NAALADL2: variants seen among roughly 807,000 people sequenced by gnomAD.
NAALADL2 encodes inactive N-acetylated-alpha-linked acidic dipeptidase-like protein 2.
NAALADL2 carries 76 observed loss-of-function variants against 87.2 expected under a neutral mutation model. The ratio of observed to expected loss-of-function variants is 0.87; its 90% CI spans 0.72 to 1.05. The LOEUF (loss-of-function observed/expected upper bound fraction) is 1.05, where lower values mean the gene tolerates loss of function less well. Among genes scored for constraint, NAALADL2 ranks in the 50% least tolerant of loss-of-function variants. NAALADL2 has a pLI of 0.00. For synonymous variants in NAALADL2, 354 were observed against 331.0 expected, an observed-to-expected ratio of 1.07 and a Z score of -0.75; for missense variants, 1,089 against 945.8, an observed-to-expected ratio of 1.15 and a Z score of -1.99.
intron 1 of NAALADL2, among the ~76,000 whole-genome samples, chr3:175,056,260 C>A (rs1712144017): frequency 6.6e-6 from 1 of 152,212 alleles, no homozygotes; most frequent in African/African-American, 2.4e-5. Flanking sequence ...TGCTCTGTAA[C>A]CTCTTCTGTT....
At position 175,432,831 on chromosome 3, in the gene NAALADL2, A is replaced by G. The variant is rs563133930; in HGVS notation, c.1091-14398A>G. 2.0e-5 allele frequency among the ~76,000 whole-genome samples: 3 copies of G among 152,216 alleles called. No individual in the cohort carries two copies. The East Asian group carries it at 5.8e-4, about 29-fold the overall frequency. ...AATGGAGCCGGACTTTGACATGCTGACCACTCAGCATTCATGGGAATGTGT... is the reference window on the plus strand; with the variant it reads ...AATGGAGCCGGACTTTGACATGCTGGCCACTCAGCATTCATGGGAATGTGT... On this transcript the variant is annotated intron_variant, in intron 5 of 13. Transcript: ENST00000454872.
chr3:175,753,732 G>A (rs1022147275), intron 12 of NAALADL2, among the ~76,000 whole-genome samples: 1 of 152,108 alleles, frequency 6.6e-6, no homozygotes, highest in Admixed American at 6.6e-5. Context: ...ATTTTCATAA[G>A]GACCAAGTAT....
At chr3:174,907,847 G>T (rs1733157015) in intron 1 of NAALADL2, among the ~76,000 whole-genome samples, 2 of 151,994 alleles carry the variant, frequency 1.3e-5, no homozygotes, top group African/African-American at 2.4e-5. Flanking sequence ...AAAGAGCCAG[G>T]TCTTTAATAG....
chr3:175,061,619 A>G (rs919349118), intron 1 of NAALADL2, among the ~76,000 whole-genome samples: 1 of 151,966 alleles, frequency 6.6e-6, no homozygotes, highest in Non-Finnish European at 1.5e-5. Flanking sequence ...TTGAATCAAA[A>G]ATATCTAAAT....
chr3:175,052,111 A>G (rs1005308806), intron 1 of NAALADL2, among the ~76,000 whole-genome samples: 2 of 152,226 alleles, frequency 1.3e-5, no homozygotes, highest in Non-Finnish European at 2.9e-5. Flanking sequence ...ATTAACTAGA[A>G]GTATTCCTTA....
chr3:174,451,407 A>T (rs568490607), intron 1 of NAALADL2, among the ~76,000 whole-genome samples: 2 of 152,308 alleles, frequency 1.3e-5, no homozygotes, highest in South Asian at 4.1e-4. Flanking sequence ...GTGGGTTTTC[A>T]TGTAATTGTT....
chr3:175,272,091 G>A (rs1752923088), intron 4 of NAALADL2, among the ~76,000 whole-genome samples: 1 of 152,082 alleles, frequency 6.6e-6, no homozygotes, highest in South Asian at 2.1e-4. Context: ...AAAGTAAGAA[G>A]CCCAGAACGT....
At chr3:175,639,757 T>G in intron 11 of NAALADL2, among the ~76,000 whole-genome samples, 1 of 152,308 alleles carries the variant, frequency 6.6e-6, no homozygotes, top group South Asian at 2.1e-4. Flanking sequence ...CAGTTTAAAA[T>G]CCTGAATAGG....
At chr3:174,982,502 A>G (rs938645796) in intron 1 of NAALADL2, among the ~76,000 whole-genome samples, 1 of 152,206 alleles carries the variant, frequency 6.6e-6, no homozygotes, top group African/African-American at 2.4e-5. Context: ...ATATTCATCT[A>G]TGAACTGATT....
chr3:175,598,565 T>C (rs1722547922), intron 10 of NAALADL2, among the ~76,000 whole-genome samples: 1 of 152,110 alleles, frequency 6.6e-6, no homozygotes, highest in African/African-American at 2.4e-5. Context: ...TTATGGATGA[T>C]AAGACTAAGA....
intron 2 of NAALADL2, among the ~76,000 whole-genome samples, chr3:175,141,848 C>G (rs1344872807): frequency 2.0e-5 from 3 of 152,002 alleles, no homozygotes; most frequent in Non-Finnish European, 4.4e-5. Context: ...CCTTTTTATT[C>G]AAATGATCAA....
At chr3:174,874,871 T>A (rs1728286313) in intron 1 of NAALADL2, among the ~76,000 whole-genome samples, 1 of 151,880 alleles carries the variant, frequency 6.6e-6, no homozygotes, top group Admixed American at 6.6e-5. Flanking sequence ...ATCCTAGCAC[T>A]TTGGGAGGGT....
intron 5 of NAALADL2, among the ~76,000 whole-genome samples, chr3:175,388,595 A>G (rs1768702022): frequency 1.3e-5 from 2 of 152,244 alleles, no homozygotes; most frequent in South Asian, 4.1e-4. Context: ...TACGCACTTG[A>G]TAAGAGTACT....
At chr3:175,616,475 T>C (rs1362383389) in intron 10 of NAALADL2, among the ~76,000 whole-genome samples, 1 of 152,138 alleles carries the variant, frequency 6.6e-6, no homozygotes, top group East Asian at 1.9e-4. Flanking sequence ...ATTTTTTTGC[T>C]CTTTCTAGAG....
intron 5 of NAALADL2, among the ~76,000 whole-genome samples, chr3:175,412,905 T>TATTATTATTATTATC (rs1473318505): frequency 1.4e-5 from 2 of 142,724 alleles, no homozygotes; most frequent in Non-Finnish European, 3.1e-5. Context: ...TTATTATTAT[T>TATTATTATTATTATC]ATTATTATTA....
chr3:175,422,047 G>A (rs1004381111), intron 5 of NAALADL2, among the ~76,000 whole-genome samples: 1 of 152,062 alleles, frequency 6.6e-6, no homozygotes, highest in Non-Finnish European at 1.5e-5. Flanking sequence ...CCCCATCATA[G>A]GCTATATTGA....
Position 175,692,914 on chromosome 3 carries a change from A to G in NAALADL2, c.1897-44392A>G, listed in dbSNP as rs185436205. Among the ~76,000 whole-genome samples the G allele has an allele frequency of 9.8e-5, 15 of 152,302 alleles. No homozygotes were observed. In the East Asian group the frequency reaches 1.5e-3, roughly 16 times the overall value. On this transcript the variant is annotated intron_variant, in intron 11 of 13. Coordinates refer to ENST00000454872, the MANE Select transcript of NAALADL2 (RefSeq NM_207015.3). ...AAGACCCATAATTACTCTGATATCA[A>G]TTATAAGTCTAGGAGTCCCAAGACC...
chr3:175,688,808 C>G (rs1293772381), intron 11 of NAALADL2, among the ~76,000 whole-genome samples: 2 of 152,068 alleles, frequency 1.3e-5, no homozygotes, highest in Non-Finnish European at 2.9e-5. Flanking sequence ...GAAGCTCTGC[C>G]CAAGGCCTCA....
intron 5 of NAALADL2, among the ~76,000 whole-genome samples, chr3:175,329,265 G>T (rs1560371496): frequency 6.6e-6 from 1 of 152,090 alleles, no homozygotes; most frequent in Non-Finnish European, 1.5e-5. Flanking sequence ...ATTCTGGAGA[G>T]AAAAGTCTTT....
Sources: gnomAD v4.1 joint callset for allele counts (sites outside exome capture counted in the v4.1 genomes callset) on GRCh38, gnomAD v4.1.1 for gene constraint, MANE v1.5 for transcripts, NCBI Gene and HGNC (gene_info 2026-07-23, HGNC 2026-07-21) for gene names.